The following RARB variants were observed in gnomAD, a reference collection of about 807,000 sequenced individuals.
RARB encodes the protein HBV-activated protein.
In RARB, 17 loss-of-function variants were observed where a neutral mutation model predicts 51.9. The ratio of observed to expected loss-of-function variants is 0.33; its 90% CI spans 0.22 to 0.49. RARB has a LOEUF of 0.49. RARB is among the 20% of genes least tolerant of loss of function. RARB has a pLI of 0.99. For synonymous variants in RARB, 215 were observed against 195.4 expected, an observed-to-expected ratio of 1.10 and a Z score of -0.84; for missense variants, 369 against 550.8, an observed-to-expected ratio of 0.67 and a Z score of 3.30.
Position 25,195,400 on chromosome 3 carries a change from T to C in RARB, c.178+20825T>C, listed in dbSNP as rs892875148. On this transcript the variant is annotated intron_variant, in intron 5 of 11. Transcript: ENST00000383772. ...ATTTGATGACATTGGATTTGGTTGG[T>C]TAATTTCAGCAGTAACATGCTAAAG... Among the ~76,000 whole-genome samples, 12 of 152,020 alleles carry C rather than the reference T, an allele frequency of 7.9e-5. No homozygotes were observed. In the South Asian group the frequency reaches 2.1e-3, roughly 26 times the overall value.
intron 2 of RARB, among the ~76,000 whole-genome samples, chr3:25,054,279 G>A (rs1014373705): frequency 8.5e-5 from 13 of 152,114 alleles, no homozygotes; most frequent in African/African-American, 2.9e-4. Flanking sequence ...TAAGCACTAC[G>A]TGAAATAAAT....
At chr3:25,040,819 C>G (rs1698097502) in intron 2 of RARB, among the ~76,000 whole-genome samples, 1 of 152,114 alleles carries the variant, frequency 6.6e-6, no homozygotes, top group Non-Finnish European at 1.5e-5. Context: ...TTTTCCTTAG[C>G]CATTGTCTCA....
At chr3:25,363,899 C>T (rs908136794) in intron 5 of RARB, among the ~76,000 whole-genome samples, 4 of 152,162 alleles carry the variant, frequency 2.6e-5, no homozygotes, top group South Asian at 2.1e-4. Flanking sequence ...ACAGTAGACT[C>T]CCATCTCGGG....
chr3:25,089,646 C>T (rs1161140331), intron 3 of RARB, among the ~76,000 whole-genome samples: 1 of 152,036 alleles, frequency 6.6e-6, no homozygotes, highest in Non-Finnish European at 1.5e-5. Context: ...TTGATAGAGA[C>T]TTTTAAAGTT....
chr3:24,919,265 C>G (rs1695167923), intron 2 of RARB, among the ~76,000 whole-genome samples: 1 of 152,042 alleles, frequency 6.6e-6, no homozygotes, highest in South Asian at 2.1e-4. Context: ...TACTTGTTTC[C>G]AAGATTTGGT....
chr3:24,988,961 G>C (rs560869180), intron 2 of RARB, among the ~76,000 whole-genome samples: 1 of 152,240 alleles, frequency 6.6e-6, no homozygotes, highest in East Asian at 1.9e-4. Flanking sequence ...GAGTAGCTGG[G>C]ATTACAGGCG....
At chr3:25,130,026 T>A (rs1256479314) in intron 3 of RARB, among the ~76,000 whole-genome samples, 1 of 152,128 alleles carries the variant, frequency 6.6e-6, no homozygotes, top group Non-Finnish European at 1.5e-5. Context: ...AGGAAGACCC[T>A]ATTAAAGACC....
At chr3:25,026,735 G>GA (rs372668663) in intron 2 of RARB, among the ~76,000 whole-genome samples, 1 of 152,032 alleles carries the variant, frequency 6.6e-6, no homozygotes, top group South Asian at 2.1e-4. Context: ...TCTATGGAGA[G>GA]AAAAAAATAC....
At chr3:25,314,430 T>C (rs1054777996) in intron 5 of RARB, among the ~76,000 whole-genome samples, 1 of 152,200 alleles carries the variant, frequency 6.6e-6, no homozygotes, top group Non-Finnish European at 1.5e-5. Context: ...TGGGAAAACC[T>C]CTATCAAGCT....
intron 3 of RARB, among the ~76,000 whole-genome samples, chr3:25,504,770 C>CTTTTT (rs61498243): frequency 7.9e-6 from 1 of 126,052 alleles, no homozygotes. Flanking sequence ...ACATTAACCA[C>CTTTTT]TTTTTTTTTT....
intron 3 of RARB, among the ~76,000 whole-genome samples, chr3:25,104,280 T>C (rs1699457514): frequency 6.6e-6 from 1 of 152,192 alleles, no homozygotes; most frequent in East Asian, 1.9e-4. Flanking sequence ...TTGATGGGAA[T>C]ATAACTTGGT....
intron 2 of RARB, among the ~76,000 whole-genome samples, chr3:25,492,981 C>T (rs147001666): frequency 0.011 from 1,701 of 151,206 alleles, 18 homozygotes; most frequent in Middle Eastern, 0.051. Context: ...GGATTTATTA[C>T]CTTTTTTTTT....
intron 3 of RARB, among the ~76,000 whole-genome samples, chr3:25,130,373 G>A (rs936837537): frequency 1.3e-5 from 2 of 151,994 alleles, no homozygotes; most frequent in Non-Finnish European, 2.9e-5. Flanking sequence ...TAGAACATAT[G>A]CTGTGTTTTC....
At chr3:25,305,280 A>G (rs551433478) in intron 5 of RARB, among the ~76,000 whole-genome samples, 1 of 152,128 alleles carries the variant, frequency 6.6e-6, no homozygotes, top group African/African-American at 2.4e-5. Context: ...TTTAAGGAAA[A>G]AGAGAAAAAG....
intron 5 of RARB, among the ~76,000 whole-genome samples, chr3:25,325,159 G>T (rs1394304916): frequency 6.6e-6 from 1 of 152,154 alleles, no homozygotes; most frequent in East Asian, 1.9e-4. Context: ...CCAGAACTGA[G>T]GATCCCTTCC....
intron 5 of RARB, among the ~76,000 whole-genome samples, chr3:25,329,815 C>T (rs192373501): frequency 4.6e-4 from 70 of 152,134 alleles, no homozygotes; most frequent in Non-Finnish European, 8.1e-4. Context: ...TAGAGAAGTC[C>T]TTAAATGGCC....
intron 1 of RARB, among the ~76,000 whole-genome samples, chr3:24,850,823 C>T (rs1232962190): frequency 2.0e-5 from 3 of 152,152 alleles, no homozygotes; most frequent in Non-Finnish European, 4.4e-5. Flanking sequence ...GCATTTTTAA[C>T]AAGCTTGCAG....
intron 5 of RARB, among the ~76,000 whole-genome samples, chr3:25,585,539 C>T (rs1701349795): frequency 6.6e-6 from 1 of 152,290 alleles, no homozygotes; most frequent in Admixed American, 6.5e-5. Context: ...GGGAACACAG[C>T]AAGGGATAAT....
intron 3 of RARB, among the ~76,000 whole-genome samples, chr3:25,085,527 C>T (rs4568087): frequency 0.74 from 112,850 of 151,942 alleles, 42,354 homozygotes; most frequent in East Asian, 0.83. Context: ...GTTTTTCTTA[C>T]TCTAGGCTCT....
Sources: gnomAD v4.1 joint callset for allele counts (sites outside exome capture counted in the v4.1 genomes callset) on GRCh38, gnomAD v4.1.1 for gene constraint, MANE v1.5 for transcripts, NCBI Gene and HGNC (gene_info 2026-07-23, HGNC 2026-07-21) for gene names.